Variants in DOCK2 observed in about 807,000 individuals in gnomAD.
The protein encoded by DOCK2 is dedicator of cytokinesis 2.
In DOCK2, 87 loss-of-function variants were observed where a neutral mutation model predicts 248.9. The ratio of observed to expected loss-of-function variants is 0.35; its 90% confidence interval spans 0.29 to 0.42. The LOEUF (loss-of-function observed/expected upper bound fraction) is 0.42. Among genes scored for constraint, DOCK2 ranks in the 10% least tolerant of loss-of-function variants. DOCK2 has a pLI of 1.00. For synonymous variants in DOCK2, 805 were observed against 821.6 expected (o/e 0.98, Z 0.35); for missense variants, 1,747 against 2,300.2 (o/e 0.76, Z 4.92).
intron 27 of DOCK2, among the ~76,000 whole-genome samples, chr5:169,965,971 A>G (rs1777281687): frequency 6.6e-6 from 1 of 152,174 alleles, no homozygotes; most frequent in Non-Finnish European, 1.5e-5. Context: ...ATCAGCTGGG[A>G]CCTTGGAGAC....
At chr5:169,880,128 A>G (rs565543345) in intron 27 of DOCK2, among the ~76,000 whole-genome samples, 66 of 152,324 alleles carry the variant, frequency 4.3e-4, no homozygotes, top group African/African-American at 1.5e-3. Flanking sequence ...AGGCTTTCCA[A>G]TGCTGCAGGG....
chr5:169,751,635 A>G (rs1763898362), intron 23 of DOCK2, among the ~76,000 whole-genome samples: 1 of 152,214 alleles, frequency 6.6e-6, no homozygotes, highest in African/African-American at 2.4e-5. Context: ...AACCTAAGCA[A>G]GTTATTGCCC....
chr5:170,009,452 T>A (rs1755199296), intron 32 of DOCK2, among the ~76,000 whole-genome samples: 1 of 152,218 alleles, frequency 6.6e-6, no homozygotes. Flanking sequence ...TGGTTTTGAT[T>A]CCACAAGGAC....
At chr5:169,952,007 G>T (rs1182092) in intron 27 of DOCK2, among the ~76,000 whole-genome samples, 7,891 of 152,238 alleles carry the variant, frequency 0.052, 445 homozygotes, top group African/African-American at 0.14. Context: ...TGTTGGTGCT[G>T]ATGGTTAAAT....
intron 22 of DOCK2, among the ~76,000 whole-genome samples, chr5:169,734,396 G>A (rs1451399268): frequency 2.6e-5 from 4 of 152,062 alleles, no homozygotes; most frequent in Non-Finnish European, 4.4e-5. Flanking sequence ...TCTGTTTTGG[G>A]TGACCCTGCT....
chr5:169,964,737 T>A (rs888148474), intron 27 of DOCK2, among the ~76,000 whole-genome samples: 8 of 152,210 alleles, frequency 5.3e-5, no homozygotes, highest in South Asian at 2.1e-4. Flanking sequence ...AGTAGCTGAG[T>A]ATAGTTTCAG....
chr5:169,685,239 A>G (rs186993330), intron 8 of DOCK2, among the ~76,000 whole-genome samples: 2 of 152,334 alleles, frequency 1.3e-5, no homozygotes, highest in Admixed American at 6.5e-5. Context: ...AGTGGTTGTT[A>G]TTATTACTAC....
In DOCK2 at chr5:169,801,149, T is replaced by G. The variant is rs1371890192; in HGVS notation, c.2555-1909T>G. ...CACCATGCCCAGATAGTTTTGGGTTTTTTTTTTTTTTTTTTTTTTTTTTTT... is the reference window on the plus strand; with the variant it reads ...CACCATGCCCAGATAGTTTTGGGTTGTTTTTTTTTTTTTTTTTTTTTTTTT... On this transcript the variant is annotated intron_variant, in intron 25 of 51. Coordinates refer to ENST00000520908, the MANE Select transcript of DOCK2 (RefSeq NM_004946.3). Among the ~76,000 whole-genome samples, 12 of 8,186 alleles carry G rather than the reference T, an allele frequency of 1.5e-3. No homozygotes were observed. In the East Asian group the frequency reaches 0.022, roughly 15 times the overall value. The allele number at this position is 8,186 out of a possible 152,430, so 5.4% of individuals were successfully genotyped here. A position where few individuals can be genotyped will look rare whatever the true frequency, so the allele number is the denominator to read the frequency against.
At chr5:169,988,755 G>C (rs1345501655) in intron 29 of DOCK2, among the ~76,000 whole-genome samples, 1 of 152,068 alleles carries the variant, frequency 6.6e-6, no homozygotes, top group Non-Finnish European at 1.5e-5. Context: ...CAGGTGATCT[G>C]CCTGCCTCGG....
intron 26 of DOCK2, among the ~76,000 whole-genome samples, chr5:169,839,699 A>G (rs1364251311): frequency 1.3e-5 from 2 of 152,204 alleles, no homozygotes; most frequent in African/African-American, 4.8e-5. Flanking sequence ...GACTCACTGT[A>G]AATTTCCACC....
intron 5 of DOCK2, among the ~76,000 whole-genome samples, chr5:169,673,418 T>A (rs912474611): frequency 4.6e-5 from 7 of 152,150 alleles, no homozygotes; most frequent in African/African-American, 1.7e-4. Context: ...GTTGTTTTTT[T>A]AATTATACCA....
At chr5:169,887,675 C>A (rs1773048441) in intron 27 of DOCK2, among the ~76,000 whole-genome samples, 1 of 152,196 alleles carries the variant, frequency 6.6e-6, no homozygotes, top group African/African-American at 2.4e-5. Flanking sequence ...ATTTAAAAGT[C>A]TATAAATAAA....
chr5:169,913,394 C>T (rs928324487), intron 27 of DOCK2, among the ~76,000 whole-genome samples: 1 of 152,130 alleles, frequency 6.6e-6, no homozygotes, highest in Admixed American at 6.5e-5. Context: ...TAATTCACCT[C>T]CCCTCCTCTT....
At chr5:169,801,955 AT>A (rs1369606388) in intron 25 of DOCK2, among the ~76,000 whole-genome samples, 1 of 151,936 alleles carries the variant, frequency 6.6e-6, no homozygotes, top group Admixed American at 6.6e-5. Flanking sequence ...TTAAAATGAT[AT>A]CCTGGTGTGT....
chr5:169,637,978 T>C (rs1036447501), intron 1 of DOCK2, among the ~76,000 whole-genome samples: 10 of 152,064 alleles, frequency 6.6e-5, no homozygotes, highest in African/African-American at 2.4e-4. Context: ...GAAGCTAGCT[T>C]CGTCAGCCTC....
At chr5:169,648,305 G>A (rs780256466) in intron 1 of DOCK2, among the ~76,000 whole-genome samples, 1 of 152,000 alleles carries the variant, frequency 6.6e-6, no homozygotes, top group Non-Finnish European at 1.5e-5. Context: ...CCCCAGGTTG[G>A]GACAAGAAAA....
At chr5:169,816,369 G>T (rs1768069168) in intron 26 of DOCK2, among the ~76,000 whole-genome samples, 1 of 152,178 alleles carries the variant, frequency 6.6e-6, no homozygotes, top group Non-Finnish European at 1.5e-5. Context: ...GATCAGTTTT[G>T]TCTTAGAGAT....
chr5:169,917,566 A>T (rs781324214), intron 27 of DOCK2, among the ~76,000 whole-genome samples: 18 of 152,210 alleles, frequency 1.2e-4, no homozygotes, highest in Non-Finnish European at 2.2e-4. Flanking sequence ...GGATAAAATG[A>T]AAATTGAATG....
intron 2 of DOCK2, among the ~76,000 whole-genome samples, chr5:169,661,802 A>C (rs775792991): frequency 6.6e-6 from 1 of 152,158 alleles, no homozygotes; most frequent in Non-Finnish European, 1.5e-5. Flanking sequence ...CCTCCTTTTT[A>C]AAGGGTGAAT....
Sources: allele counts gnomAD v4.1 joint callset (sites outside exome capture counted in the v4.1 genomes callset), GRCh38; gene constraint gnomAD v4.1.1; transcripts MANE v1.5; gene names NCBI Gene and HGNC (gene_info 2026-07-23, HGNC 2026-07-21).